HFE: variants seen among roughly 807,000 people sequenced by gnomAD.
HFE encodes homeostatic iron regulator, also known as hereditary hemochromatosis protein.
Under a neutral mutation model 40.9 loss-of-function variants are expected in HFE, and 36 were observed. The observed-to-expected ratio is 0.88, with a 90% CI of 0.67 to 1.16. The LOEUF is 1.16. Among genes scored for constraint, HFE ranks in the 50% most tolerant of loss-of-function variants. The pLI, the probability that HFE is intolerant of heterozygous loss-of-function variation, is 0.00. For synonymous variants in HFE, 157 were observed against 165.4 expected (o/e 0.95, Z 0.39); for missense variants, 376 against 432.0 (o/e 0.87, Z 1.15).
chr6:26,089,625 G>A (rs1438703567), intron 1 of HFE, among the ~76,000 whole-genome samples: 1 of 152,158 alleles, frequency 6.6e-6, no homozygotes, highest in Admixed American at 6.5e-5. Flanking sequence ...AGTTGCTGAA[G>A]GATTCTATGT....
intron 3 of HFE, 126 bp from the exon 4 acceptor site, chr6:26,092,559 C>T: frequency 6.4e-7 from 1 of 1,566,348 alleles, no homozygotes; most frequent in Non-Finnish European, 8.7e-7. Flanking sequence ...GGTGTCTCTC[C>T]TGTAGCTTGT....
At position 26,087,432 on chromosome 6, in the gene HFE, G is replaced by C. The variant is rs1357307297; in HGVS notation, c.-9G>C. 1 of 1,613,912 alleles carries C rather than the reference G, an allele frequency of 6.2e-7. No individual in the cohort carries two copies. Among genetic ancestry groups the C allele is most frequent in the African/African-American group, 1.3e-5 (1 of 74,924 alleles). On this transcript the variant is annotated 5_prime_UTR_variant, in exon 1 of 6. Transcript: ENST00000357618. ...GATTTAACGGGGACGTGCGGCCAGA[G>C]CTGGGGAAATGGGCCCGCGAGCCAG... is the stretch of plus-strand genomic sequence containing the variant.
At position 26,091,270 on chromosome 6, in the gene HFE, C is replaced by T. The variant is rs763901582; in HGVS notation, c.341-44C>T. On this transcript the variant is annotated intron_variant, in intron 2 of 5. Coordinates refer to ENST00000357618, the MANE Select transcript of HFE (RefSeq NM_000410.4). ...TCCTTGGGGATGGTGGAAATAGGGA[C>T]CTATTCCTTTGGTTGCAGTTAACAA... is the stretch of plus-strand genomic sequence containing the variant. 5.0e-6 allele frequency: 8 copies of T among 1,613,426 alleles called. No homozygotes were observed. In the South Asian group the frequency reaches 5.5e-5, roughly 11 times the overall value.
rs1379592623 is a variant in HFE, at chr6:26,096,250, C to T, written c.*2024C>T. 1.4e-5 allele frequency: 4 copies of T among 292,614 alleles called. No homozygotes were observed. The highest frequency in any genetic ancestry group is 2.7e-5 in the Non-Finnish European group (4 of 147,922). 18.1% of individuals were successfully genotyped at this position (292,614 alleles called of 1,614,324 possible). A position where few individuals can be genotyped will look rare whatever the true frequency, so the allele number is the denominator to read the frequency against. Reference sequence around the variant, plus strand: ...CCAGGTTCAAGCGATTCTCCTGTCTCAGCCTCCCAAGTAGCTGGGATTACA... The same window carrying T: ...CCAGGTTCAAGCGATTCTCCTGTCTTAGCCTCCCAAGTAGCTGGGATTACA... On this transcript the variant is annotated 3_prime_UTR_variant, in exon 6 of 6. Transcript: ENST00000357618.
rs1762929737 is a variant in HFE, at chr6:26,094,460, T to G, written c.*234T>G. 2.8e-6 allele frequency: 2 copies of G among 703,828 alleles called. No homozygotes were observed. Among genetic ancestry groups the G allele is most frequent in the Non-Finnish European group, 5.2e-6 (2 of 385,290 alleles). 43.6% of individuals were successfully genotyped at this position (703,828 alleles called of 1,614,324 possible). A position where few individuals can be genotyped will look rare whatever the true frequency, so the allele number is the denominator to read the frequency against. On this transcript the variant is annotated 3_prime_UTR_variant, in exon 6 of 6. Transcript: ENST00000357618. ...AGCTGTGACCTCTCCCCTGGAACTGTCTCTCATGAACCTCAAGCTGCATCT... is the reference window on the plus strand; with the variant it reads ...AGCTGTGACCTCTCCCCTGGAACTGGCTCTCATGAACCTCAAGCTGCATCT...
At chr6:26,091,260 G>A in intron 2 of HFE, 54 bp from the exon 3 acceptor site, 1 of 1,612,960 alleles carries the variant, frequency 6.2e-7, no homozygotes, top group Non-Finnish European at 8.5e-7. Flanking sequence ...GGGGATGGTG[G>A]AAATAGGGAC....
intron 3 of HFE, 151 bp downstream of exon 3, chr6:26,091,740 T>G: frequency 3.2e-5 from 24 of 750,698 alleles, no homozygotes; most frequent in East Asian, 5.4e-5. Context: ...CTAGAGTCTC[T>G]ACCTTATAAT....
In HFE at chr6:26,096,550, G is replaced by T. The variant is rs1763047466; in HGVS notation, c.*2324G>T. The T allele has an allele frequency of 2.2e-6, 1 of 456,286 alleles. No homozygotes were observed. The highest frequency in any genetic ancestry group is 2.3e-5 in the Admixed American group (1 of 42,556). 28.3% of individuals were successfully genotyped at this position (456,286 alleles called of 1,614,324 possible). On this transcript the variant is annotated 3_prime_UTR_variant, in exon 6 of 6. Transcript: ENST00000357618. Reference sequence around the variant, plus strand: ...CTGTCTTGAAGGGCAGGTGCTTCAGGATACCATATACAGCTCAGAAGTTTC... The same window carrying T: ...CTGTCTTGAAGGGCAGGTGCTTCAGTATACCATATACAGCTCAGAAGTTTC...
chr6:26,088,496 A>C (rs1762438402), intron 1 of HFE, among the ~76,000 whole-genome samples: 1 of 152,228 alleles, frequency 6.6e-6, no homozygotes, highest in South Asian at 2.1e-4. Context: ...TTCTAATCTT[A>C]GTTGACAGTG....
Position 26,092,702 on chromosome 6 carries a change from G to A in HFE, c.634G>A (p.Val212Met), listed in dbSNP as rs754443650. Residue 212 changes from valine to methionine, a missense_variant, in exon 4 of 6, where the codon GTG becomes ATG. Around this residue, in one of 3 missense-constraint regions of HFE, gnomAD observed 173 missense variants for 186.9 expected, o/e 0.93. Transcript: ENST00000357618. ...CTGTCAAGTGCCTCCTTTGGTGAAG[G>A]TGACACATCATGTGACCTCTTCAGT... The part of the protein sequence containing the change: ...LDQQVPPLVK[V>M]THHVTSSVTT... The A allele has an allele frequency of 1.2e-6, 2 of 1,614,170 alleles. No homozygotes were observed. The highest frequency in any genetic ancestry group is 1.1e-5 in the South Asian group (1 of 91,076).
intron 1 of HFE, among the ~76,000 whole-genome samples, chr6:26,089,108 T>TGGGGGG (rs60292295): frequency 3.5e-5 from 2 of 56,360 alleles, no homozygotes; most frequent in Admixed American, 2.1e-4. Flanking sequence ...TGTGTGTGTG[T>TGGGGGG]GGGGGGGGGG....
At chr6:26,087,813 G>C (rs1170161472) in intron 1 of HFE, among the ~76,000 whole-genome samples, 2 of 152,142 alleles carry the variant, frequency 1.3e-5, no homozygotes, top group Non-Finnish European at 2.9e-5. Context: ...AATAAATCTC[G>C]TAGTTCCTCA....
At chr6:26,092,485 A>G in intron 3 of HFE, 200 bp from the exon 4 acceptor site, 1 of 811,742 alleles carries the variant, frequency 1.2e-6, no homozygotes, top group Admixed American at 2.0e-5. Flanking sequence ...ATGTGAGGAG[A>G]ACAAGCTGAT....
chr6:26,087,644 T>A, intron 1 of HFE, 128 bp downstream of exon 1: 1 of 752,406 alleles, frequency 1.3e-6, no homozygotes, highest in Non-Finnish European at 2.2e-6. Context: ...CAAGCCCCTC[T>A]CCCTACTTTC....
chr6:26,089,238 T>C (rs1762508403), intron 1 of HFE, among the ~76,000 whole-genome samples: 1 of 151,932 alleles, frequency 6.6e-6, no homozygotes, highest in African/African-American at 2.4e-5. Flanking sequence ...CAAAAATGTC[T>C]CTAAACTTTG....
intron 3 of HFE, 143 bp from the exon 4 acceptor site, chr6:26,092,542 A>G: frequency 6.8e-7 from 1 of 1,461,312 alleles, no homozygotes; most frequent in Non-Finnish European, 9.4e-7. Context: ...ATCTTAGGAC[A>G]CAAAATGGTG....
In HFE at chr6:26,096,825, T is replaced by A. The variant is rs1216203450; in HGVS notation, c.*2599T>A. The A allele has an allele frequency of 3.1e-6, 1 of 325,812 alleles. No homozygotes were observed. The highest frequency in any genetic ancestry group is 6.0e-6 in the Non-Finnish European group (1 of 167,562). The allele number at this position is 325,812 out of a possible 1,614,324, so 20.2% of individuals were successfully genotyped here. Reference sequence around the variant, plus strand: ...TATACTTTAATAAATGTATATTGTATTGTATACTGCATGATTTTATTGAAG... The same window carrying A: ...TATACTTTAATAAATGTATATTGTAATGTATACTGCATGATTTTATTGAAG... On this transcript the variant is annotated 3_prime_UTR_variant, in exon 6 of 6. Coordinates refer to ENST00000357618, the MANE Select transcript of HFE (RefSeq NM_000410.4).
Position 26,093,136 on chromosome 6 carries a change from A to T in HFE, c.910A>T (p.Thr304Ser). The change falls in exon 5 of 6, where the codon ACC becomes TCC. Residue 304 changes from threonine (T) to serine (S), a missense_variant. Coordinates refer to ENST00000357618, the MANE Select transcript of HFE (RefSeq NM_000410.4). ...TGTTTTAGAGCCCTCACCGTCTGGCACCCTAGTCATTGGAGTCATCAGTGG... is the reference window on the plus strand; with the variant it reads ...TGTTTTAGAGCCCTCACCGTCTGGCTCCCTAGTCATTGGAGTCATCAGTGG... ...IVIWEPSPSG[T>S]LVIGVISGIA... The T allele has an allele frequency of 6.2e-7, 1 of 1,613,980 alleles. No homozygotes were observed. Among genetic ancestry groups the T allele is most frequent in the African/African-American group, 1.3e-5 (1 of 74,948 alleles).
Position 26,096,620 on chromosome 6 carries a change from T to A in HFE, c.*2394T>A. ...TAGCAAAGATATCTCATCTCTTCTT[T>A]TAAACCATTTTCTTTTTTTGTGGTT... On this transcript the variant is annotated 3_prime_UTR_variant, in exon 6 of 6. Coordinates refer to ENST00000357618, the MANE Select transcript of HFE (RefSeq NM_000410.4). 2.2e-6 allele frequency: 1 copy of A among 450,452 alleles called. No individual in the cohort carries two copies. The highest frequency in any genetic ancestry group is 4.4e-6 in the Non-Finnish European group (1 of 225,556). The allele number at this position is 450,452 out of a possible 1,614,324, so 27.9% of individuals were successfully genotyped here. A position where few individuals can be genotyped will look rare whatever the true frequency, so the allele number is the denominator to read the frequency against.
Sources: gnomAD v4.1 joint callset for allele counts (sites outside exome capture counted in the v4.1 genomes callset) on GRCh38, gnomAD v4.1.1 for gene constraint, gnomAD v4.1.1 regional missense constraint, MANE v1.5 for transcripts, NCBI Gene and HGNC (gene_info 2026-07-23, HGNC 2026-07-21) for gene names.